MYO3B: variants seen among roughly 807,000 people sequenced by gnomAD.
The protein encoded by MYO3B is myosin IIIB.
A neutral mutation model predicts 174.6 loss-of-function variants in MYO3B; 156 were observed. The observed-to-expected ratio is 0.89, with a 90% confidence interval of 0.78 to 1.02. MYO3B has a LOEUF of 1.02. MYO3B is among the 50% of genes least tolerant of loss of function. The pLI is 0.00. For synonymous variants in MYO3B, 563 were observed against 569.1 expected, an observed-to-expected ratio of 0.99 and a Z score of 0.15; for missense variants, 1,632 against 1,639.4, an observed-to-expected ratio of 1.00 and a Z score of 0.08.
chr2:170,330,796 C>T (rs1024682680), intron 7 of MYO3B, among the ~76,000 whole-genome samples: 1 of 152,202 alleles, frequency 6.6e-6, no homozygotes, highest in Non-Finnish European at 1.5e-5. Flanking sequence ...CAAATCAAGT[C>T]AATACTCCTT....
chr2:170,577,092 A>G (rs1230500383), intron 32 of MYO3B, among the ~76,000 whole-genome samples: 1 of 127,990 alleles, frequency 7.8e-6, no homozygotes, highest in East Asian at 2.8e-4. Flanking sequence ...GTCAGCCTCT[A>G]ATTCAGTGGA....
At chr2:170,590,800 C>T (rs934523821) in intron 32 of MYO3B, among the ~76,000 whole-genome samples, 1 of 152,084 alleles carries the variant, frequency 6.6e-6, no homozygotes, top group African/African-American at 2.4e-5. Context: ...TTTAGAATTG[C>T]CTGGACCATG....
At chr2:170,388,023 A>T (rs34706036) in intron 14 of MYO3B, among the ~76,000 whole-genome samples, 7,121 of 151,986 alleles carry the variant, frequency 0.047, 224 homozygotes, top group Non-Finnish European at 0.069. Flanking sequence ...TCCTATTATA[A>T]TAATAACTCT....
At chr2:170,615,397 G>A (rs1695391671) in intron 32 of MYO3B, among the ~76,000 whole-genome samples, 1 of 152,204 alleles carries the variant, frequency 6.6e-6, no homozygotes, top group South Asian at 2.1e-4. Flanking sequence ...GATAGGGTGT[G>A]CTAGAGGCAC....
chr2:170,504,062 A>G (rs1324051323), intron 28 of MYO3B, among the ~76,000 whole-genome samples: 1 of 152,186 alleles, frequency 6.6e-6, no homozygotes, highest in Non-Finnish European at 1.5e-5. Context: ...ATCTTCCCCA[A>G]ACATAATCTC....
chr2:170,272,649 C>T (rs995204813), intron 7 of MYO3B, among the ~76,000 whole-genome samples: 10 of 152,116 alleles, frequency 6.6e-5, no homozygotes, highest in African/African-American at 2.4e-4. Context: ...AACTTAATCC[C>T]CCGTGTCAAC....
intron 22 of MYO3B, among the ~76,000 whole-genome samples, chr2:170,437,817 A>G (rs1375404641): frequency 6.6e-6 from 1 of 152,034 alleles, no homozygotes; most frequent in Non-Finnish European, 1.5e-5. Context: ...AACCCTCACA[A>G]TGGCGCGCTC....
chr2:170,295,012 T>A (rs1369455428), intron 7 of MYO3B, among the ~76,000 whole-genome samples: 1 of 152,128 alleles, frequency 6.6e-6, no homozygotes, highest in Non-Finnish European at 1.5e-5. Context: ...CTCCTTGTAA[T>A]TCTTTCAATT....
intron 7 of MYO3B, among the ~76,000 whole-genome samples, chr2:170,251,051 G>A (rs1054762791): frequency 7.2e-5 from 11 of 152,008 alleles, no homozygotes; most frequent in African/African-American, 2.7e-4. Flanking sequence ...TTAGGGCCAC[G>A]GGTATTCGGG....
intron 7 of MYO3B, among the ~76,000 whole-genome samples, chr2:170,294,917 A>AT (rs2105428004): frequency 6.6e-6 from 1 of 151,202 alleles, no homozygotes; most frequent in South Asian, 2.1e-4. Flanking sequence ...CTTCTGCTCA[A>AT]TTTTTCTGAA....
intron 3 of MYO3B, among the ~76,000 whole-genome samples, chr2:170,205,437 C>G (rs2092704300): frequency 6.6e-6 from 1 of 152,124 alleles, no homozygotes; most frequent in Non-Finnish European, 1.5e-5. Flanking sequence ...AGCATGCTTG[C>G]AATGCAAGAA....
intron 32 of MYO3B, chr2:170,602,338 G>A (rs1236474452): frequency 1.5e-6 from 1 of 656,070 alleles, no homozygotes; most frequent in African/African-American, 1.8e-5. Flanking sequence ...GGCTGTGAGA[G>A]TGGGAGCCGG....
intron 7 of MYO3B, among the ~76,000 whole-genome samples, chr2:170,300,559 T>A (rs568222090): frequency 6.6e-6 from 1 of 152,302 alleles, no homozygotes; most frequent in South Asian, 2.1e-4. Flanking sequence ...GGTGCCTGGA[T>A]AAAGGTGGCA....
intron 13 of MYO3B, 108 bp from the exon 14 acceptor site, chr2:170,386,998 C>A: frequency 9.4e-7 from 1 of 1,065,148 alleles, no homozygotes; most frequent in African/African-American, 1.6e-5. Flanking sequence ...AAATGGGGCT[C>A]TTTGTAAAAA....
intron 23 of MYO3B, among the ~76,000 whole-genome samples, chr2:170,446,887 G>A (rs1455019469): frequency 6.6e-6 from 1 of 152,180 alleles, no homozygotes; most frequent in Non-Finnish European, 1.5e-5. Flanking sequence ...GTGTATTTTT[G>A]TGGTCAGTTG....
At chr2:170,586,003 G>A (rs1693477996) in intron 32 of MYO3B, among the ~76,000 whole-genome samples, 1 of 152,170 alleles carries the variant, frequency 6.6e-6, no homozygotes, top group Non-Finnish European at 1.5e-5. Context: ...GGCCACAGAG[G>A]AGACTTTGTC....
At chr2:170,448,682 T>C (rs1280296933) in intron 23 of MYO3B, among the ~76,000 whole-genome samples, 1 of 152,200 alleles carries the variant, frequency 6.6e-6, no homozygotes, top group East Asian at 1.9e-4. Flanking sequence ...AAAGTAAAGA[T>C]TTGAAAGCAT....
intron 28 of MYO3B, among the ~76,000 whole-genome samples, chr2:170,509,739 C>T (rs1030669645): frequency 1.3e-5 from 2 of 152,174 alleles, no homozygotes; most frequent in Non-Finnish European, 2.9e-5. Flanking sequence ...ATAGCAAGTT[C>T]CATTGTCACC....
chr2:170,566,058 T>TA (rs1177859081), intron 32 of MYO3B, among the ~76,000 whole-genome samples: 8 of 152,152 alleles, frequency 5.3e-5, no homozygotes, highest in African/African-American at 1.9e-4. Flanking sequence ...TGAAGGCAAC[T>TA]TGAAATATTA....
Sources: allele counts gnomAD v4.1 joint callset (sites outside exome capture counted in the v4.1 genomes callset), GRCh38; gene constraint gnomAD v4.1.1; transcripts MANE v1.5; gene names NCBI Gene and HGNC (gene_info 2026-07-23, HGNC 2026-07-21).